GAREM1: variants seen among roughly 807,000 people sequenced by gnomAD.
GAREM1 encodes GRB2 associated regulator of MAPK1 subtype 1, also known as GRB2-associated and regulator of MAPK protein 1.
GAREM1 carries 26 observed loss-of-function variants against 71.3 expected under a neutral mutation model. The ratio of observed to expected loss-of-function variants is 0.36; its 90% confidence interval spans 0.27 to 0.51. GAREM1 has a LOEUF of 0.51. GAREM1 is among the 20% of genes least tolerant of loss of function. The pLI is 0.95. For synonymous variants in GAREM1, 440 were observed against 433.2 expected, an observed-to-expected ratio of 1.02 and a Z score of -0.20; for missense variants, 1,026 against 1,103.1, an observed-to-expected ratio of 0.93 and a Z score of 0.99.
rs1314198577 is a variant in GAREM1, at chr18:32,358,860, A to C, written c.262+34035T>G. ...AAGCAGGCCTGGCTACATAATTTGCAGGGTTCTGTGCAAAACGAAAACGTG... is the reference window on the plus strand; with the variant it reads ...AAGCAGGCCTGGCTACATAATTTGCCGGGTTCTGTGCAAAACGAAAACGTG... On this transcript the variant is annotated intron_variant, in intron 2 of 5. Transcript: ENST00000269209. 7.0e-4 allele frequency among the ~76,000 whole-genome samples: 106 copies of C among 152,194 alleles called. 1 individual carries two copies. Among genetic ancestry groups the C allele is most frequent in the Non-Finnish European group, 2.6e-4 (18 of 68,036 alleles).
chr18:32,293,624 T>C (rs2047109551), intron 3 of GAREM1, among the ~76,000 whole-genome samples: 1 of 152,212 alleles, frequency 6.6e-6, no homozygotes, highest in African/African-American at 2.4e-5. Context: ...GAATCATCAA[T>C]AGATCCAAAT....
chr18:32,429,133 T>A (rs1251071277), intron 1 of GAREM1, among the ~76,000 whole-genome samples: 1 of 152,144 alleles, frequency 6.6e-6, no homozygotes, highest in African/African-American at 2.4e-5. Flanking sequence ...ATCGTCCATA[T>A]TAACTTTTAT....
intron 2 of GAREM1, among the ~76,000 whole-genome samples, chr18:32,313,256 C>A (rs1363259419): frequency 1.3e-5 from 2 of 151,986 alleles, no homozygotes; most frequent in African/African-American, 4.8e-5. Context: ...AAAATGGGCA[C>A]AGGATCCTGG....
intron 1 of GAREM1, among the ~76,000 whole-genome samples, chr18:32,460,115 T>TA (rs35244955): frequency 0.01 from 1,400 of 133,400 alleles, 14 homozygotes; most frequent in African/African-American, 0.024. Context: ...TCATCTTATT[T>TA]AAAAAAAAAA....
intron 1 of GAREM1, among the ~76,000 whole-genome samples, chr18:32,411,222 T>C (rs1320166879): frequency 6.6e-6 from 1 of 152,242 alleles, no homozygotes; most frequent in African/African-American, 2.4e-5. Flanking sequence ...CTTGAACTTT[T>C]ATGTTTCAAT....
intron 2 of GAREM1, among the ~76,000 whole-genome samples, chr18:32,314,464 G>T (rs376483211): frequency 6.6e-6 from 1 of 152,168 alleles, no homozygotes; most frequent in Non-Finnish European, 1.5e-5. Context: ...TTCAAGGGCC[G>T]CCATGAGGAT....
intron 1 of GAREM1, among the ~76,000 whole-genome samples, chr18:32,467,438 T>C (rs190572932): frequency 3.9e-5 from 6 of 152,270 alleles, no homozygotes; most frequent in Non-Finnish European, 7.4e-5. Flanking sequence ...GAAGGTTGGC[T>C]GGAAATTCCA....
rs377513112 is a variant in GAREM1, at chr18:32,287,006, G to A, written c.1566+25C>T. 9.3e-5 allele frequency: 141 copies of A among 1,509,422 alleles called. 1 individual carries two copies. Among genetic ancestry groups the A allele is most frequent in the Middle Eastern group, 3.4e-4 (2 of 5,822 alleles). 93.5% of individuals were successfully genotyped at this position (1,509,422 alleles called of 1,614,324 possible). ...GCAGAGAGACAGAAAGACTGGCACCGCATTCAAAAACAGAAATGACTTACG... is the reference window on the plus strand; with the variant it reads ...GCAGAGAGACAGAAAGACTGGCACCACATTCAAAAACAGAAATGACTTACG... On this transcript the variant is annotated intron_variant, in intron 4 of 5. Transcript: ENST00000269209. The surrounding 1 kb of genome is among the most constrained non-coding windows in gnomAD (Gnocchi z 5.9).
At chr18:32,414,052 T>C (rs569441610) in intron 1 of GAREM1, among the ~76,000 whole-genome samples, 2 of 152,306 alleles carry the variant, frequency 1.3e-5, no homozygotes, top group African/African-American at 4.8e-5. Flanking sequence ...CACAAGTGTA[T>C]TGTACACACA....
At chr18:32,276,304 T>C (rs1463931963) in intron 4 of GAREM1, among the ~76,000 whole-genome samples, 4 of 152,236 alleles carry the variant, frequency 2.6e-5, no homozygotes, top group African/African-American at 4.8e-5. Flanking sequence ...CCACCATCCC[T>C]GAAAGTCTGA....
intron 1 of GAREM1, among the ~76,000 whole-genome samples, chr18:32,461,210 G>A (rs575552486): frequency 6.6e-6 from 1 of 152,252 alleles, no homozygotes; most frequent in South Asian, 2.1e-4. Flanking sequence ...TTTTAATACT[G>A]AGATTTGCTC....
intron 2 of GAREM1, among the ~76,000 whole-genome samples, chr18:32,325,834 G>C (rs928778005): frequency 2.0e-5 from 3 of 152,048 alleles, no homozygotes. Flanking sequence ...TATAATCCAG[G>C]ACAGTAATAC....
intron 1 of GAREM1, among the ~76,000 whole-genome samples, chr18:32,425,086 T>C (rs575538385): frequency 5.9e-5 from 9 of 152,310 alleles, no homozygotes; most frequent in African/African-American, 2.2e-4. Context: ...TCCACTATTT[T>C]TACCTCAATG....
At chr18:32,385,125 A>G (rs1381195900) in intron 2 of GAREM1, among the ~76,000 whole-genome samples, 1 of 151,986 alleles carries the variant, frequency 6.6e-6, no homozygotes, top group Non-Finnish European at 1.5e-5. Context: ...ATTATACTTA[A>G]AAATATGAAA....
intron 1 of GAREM1, among the ~76,000 whole-genome samples, chr18:32,410,908 T>C (rs2048409909): frequency 6.6e-6 from 1 of 152,152 alleles, no homozygotes; most frequent in African/African-American, 2.4e-5. Context: ...GTTCAAGCGA[T>C]TCTCGTGCTT....
chr18:32,405,958 C>A (rs546936001), intron 1 of GAREM1, among the ~76,000 whole-genome samples: 1 of 152,258 alleles, frequency 6.6e-6, no homozygotes, highest in South Asian at 2.1e-4. Context: ...TTAGCCTACC[C>A]AAACTAAAAC....
chr18:32,406,641 T>C (rs1385800593), intron 1 of GAREM1, among the ~76,000 whole-genome samples: 2 of 152,080 alleles, frequency 1.3e-5, no homozygotes, highest in African/African-American at 2.4e-5. Flanking sequence ...CTGAAAGAAA[T>C]AACTAATTGG....
intron 2 of GAREM1, among the ~76,000 whole-genome samples, chr18:32,362,884 C>T (rs1460761788): frequency 1.3e-5 from 2 of 152,192 alleles, no homozygotes; most frequent in Non-Finnish European, 2.9e-5. Flanking sequence ...TGTAAATTTG[C>T]ATCTACGTTG....
chr18:32,364,070 T>C lies in GAREM1; in HGVS notation c.262+28825A>G, dbSNP rs1367473973. Among the ~76,000 whole-genome samples the C allele has an allele frequency of 2.3e-5, 3 of 129,026 alleles. No individual in the cohort carries two copies. In the East Asian group the frequency reaches 7.1e-4, roughly 31 times the overall value. The allele number at this position is 129,026 out of a possible 152,430, so 84.6% of individuals were successfully genotyped here. ...TTTTTTGTGAGACACAGCCTCACTC[T>C]GTCGCCCAGGCTGGAGTGCAGTGGT... On this transcript the variant is annotated intron_variant, in intron 2 of 5. Transcript: ENST00000269209.
Sources: allele counts gnomAD v4.1 joint callset (sites outside exome capture counted in the v4.1 genomes callset), GRCh38; gene constraint gnomAD v4.1.1; non-coding constraint Gnocchi (gnomAD v3.1); transcripts MANE v1.5; gene names NCBI Gene and HGNC (gene_info 2026-07-23, HGNC 2026-07-21).